Variants in FHIP2B observed in about 807,000 individuals in gnomAD.
FHIP2B encodes the protein FHF complex subunit HOOK-interacting protein 2B.
In FHIP2B, 72 loss-of-function variants were observed where a neutral mutation model predicts 84.0. The ratio of observed to expected loss-of-function variants is 0.86; its 90% confidence interval spans 0.71 to 1.04. FHIP2B has a LOEUF of 1.04. Ranked by LOEUF, FHIP2B falls within the 50% of genes least tolerant of loss-of-function variation. FHIP2B has a pLI of 0.00. For missense variants in FHIP2B, 972 were observed against 968.9 expected (o/e 1.00, Z -0.04); for synonymous variants, 497 against 418.7 (o/e 1.19, Z -2.28).
chr8:22,103,028 C>T lies in FHIP2B; in HGVS notation c.*97C>T, dbSNP rs1404230183. Reference sequence around the variant, plus strand: ...GCCACACTCCCCTCCTGGGATGGGGCTTCTGCTCCCGGGCTCACTCAAGGA... The same window carrying T: ...GCCACACTCCCCTCCTGGGATGGGGTTTCTGCTCCCGGGCTCACTCAAGGA... On this transcript the variant is annotated 3_prime_UTR_variant, in exon 17 of 17. Coordinates refer to ENST00000289921, the MANE Select transcript of FHIP2B (RefSeq NM_022749.7). The T allele has an allele frequency of 1.5e-5, 21 of 1,437,896 alleles. No individual in the cohort carries two copies. Among genetic ancestry groups the T allele is most frequent in the African/African-American group, 1.4e-5 (1 of 70,592 alleles). 89.1% of individuals were successfully genotyped at this position (1,437,896 alleles called of 1,614,324 possible).
chr8:22,098,744 A>G (rs892717549), intron 7 of FHIP2B, 125 bp downstream of exon 7: 3 of 1,093,248 alleles, frequency 2.7e-6, no homozygotes, highest in Non-Finnish European at 3.9e-6. Flanking sequence ...CCTCTCCCCA[A>G]GGCTGCAGCT....
chr8:22,097,644 G>A, intron 4 of FHIP2B, 24 bp downstream of exon 4: 1 of 1,603,466 alleles, frequency 6.2e-7, no homozygotes, highest in South Asian at 1.1e-5. Flanking sequence ...AAGCCAAGGG[G>A]TGTCTGGGTG....
rs1327812246 is a variant in FHIP2B at position 22,089,150 on chromosome 8, G to A, written c.-104G>A. On this transcript the variant is annotated 5_prime_UTR_variant, in exon 1 of 17. Transcript: ENST00000289921. ...GGAAGGGGCGGAGCGGCCGGGCCCC[G>A]CCCCCCTCGTCGCGCCGGGGCCGCC... The A allele has an allele frequency of 3.0e-6, 2 of 668,176 alleles. No homozygotes were observed. Among genetic ancestry groups the A allele is most frequent in the Non-Finnish European group, 3.8e-6 (2 of 531,510 alleles). The allele number at this position is 668,176 out of a possible 1,614,324, so 41.4% of individuals were successfully genotyped here.
At chr8:22,101,067 G>A in intron 12 of FHIP2B, 95 bp downstream of exon 12, 1 of 1,459,654 alleles carries the variant, frequency 6.9e-7, no homozygotes, top group Non-Finnish European at 9.1e-7. Flanking sequence ...CCAGGATGGA[G>A]TGCAGTGGTA....
Position 22,098,160 on chromosome 8 carries a change from C to T in FHIP2B, c.618C>T (p.His206=), listed in dbSNP as rs1306831403. 4.4e-6 allele frequency: 7 copies of T among 1,575,562 alleles called. No homozygotes were observed. Among genetic ancestry groups the T allele is most frequent in the East Asian group, 4.7e-5 (2 of 42,604 alleles). The change falls in exon 6 of 17, where the codon CAC becomes CAT. Residue 206 remains histidine, a synonymous_variant. Transcript: ENST00000289921. ...GCCACGGGGACAAGGACTGCTCCCA[C>T]GATGGTGCTCCTGCCAGGCCCCAGC... ...TTSHGDKDCS[H]DGAPARPQLD... is the part of the protein sequence containing the mutation.
rs1381031843 is a variant in FHIP2B at position 22,102,780 on chromosome 8, C to T, written c.2094-13C>T. The T allele has an allele frequency of 6.2e-7, 1 of 1,612,270 alleles. No individual in the cohort carries two copies. Among genetic ancestry groups the T allele is most frequent in the South Asian group, 1.1e-5 (1 of 90,922 alleles). The stretch of plus-strand genomic sequence containing the variant: ...CCCCACCCAGCCATGCCCCCTGTGC[C>T]ATCTCCCCTCAGGCTGGACCACCAG... On this transcript the variant is annotated splice_polypyrimidine_tract_variant and intron_variant, in intron 16 of 16. Transcript: ENST00000289921.
rs773589396 is a variant in FHIP2B at position 22,100,800 on chromosome 8, G to T, written c.1488-44G>T. The T allele has an allele frequency of 2.7e-5, 44 of 1,613,014 alleles. 1 individual carries two copies. The highest frequency in any genetic ancestry group is 2.4e-4 in the South Asian group (22 of 91,074). On this transcript the variant is annotated intron_variant, in intron 11 of 16. Coordinates refer to ENST00000289921, the MANE Select transcript of FHIP2B (RefSeq NM_022749.7). ...CCCTTAGCACTCGCACGCTCACTCT[G>T]TCCATTCATTCACTGGTGCCGTACT...
At chr8:22,096,149 G>T in intron 2 of FHIP2B, 188 bp from the exon 3 acceptor site, 1 of 576,392 alleles carries the variant, frequency 1.7e-6, no homozygotes, top group East Asian at 3.0e-5. Context: ...GAGCCTGGAA[G>T]GACTTTTGTC....
Position 22,096,420 on chromosome 8 carries a change from CA to C in FHIP2B, c.209del (p.Gln70ArgfsTer111). The C allele has an allele frequency of 6.4e-7, 1 of 1,556,148 alleles. No homozygotes were observed. The highest frequency in any genetic ancestry group is 1.2e-5 in the South Asian group (1 of 84,122). ...LDILVYEEQQ[Q>X]AAAGEAGPCL... ...TATCCTGGTGTATGAAGAGCAGCAGCAGGCGGCCGCGGGTGAGGCAGGGCCC... is the reference window on the plus strand; with the variant it reads ...TATCCTGGTGTATGAAGAGCAGCAGCGGCGGCCGCGGGTGAGGCAGGGCCC... On this transcript the variant is annotated frameshift_variant, in exon 3 of 17. Transcript: ENST00000289921. LOFTEE classifies it high-confidence loss of function.
intron 7 of FHIP2B, 32 bp from the exon 8 acceptor site, chr8:22,098,916 C>T (rs759411015): frequency 1.2e-5 from 19 of 1,543,500 alleles, no homozygotes; most frequent in Non-Finnish European, 1.6e-5. Flanking sequence ...TCCTTCTCCA[C>T]TCTCTGAGAC....
At chr8:22,101,226 T>G in intron 12 of FHIP2B, 1 of 641,112 alleles carries the variant, frequency 1.6e-6, no homozygotes, top group Non-Finnish European at 2.6e-6. Flanking sequence ...TTTCCCCATG[T>G]TGGCCAGGCA....
At chr8:22,100,045 A>C in intron 10 of FHIP2B, 152 bp downstream of exon 10, 1 of 729,590 alleles carries the variant, frequency 1.4e-6, no homozygotes, top group Non-Finnish European at 2.1e-6. Flanking sequence ...ATCACACACT[A>C]ATTTTCTATG....
chr8:22,097,149 A>G, intron 3 of FHIP2B: 3 of 306,824 alleles, frequency 9.8e-6, no homozygotes, highest in Non-Finnish European at 6.2e-6. Context: ...ATGCAGGAAA[A>G]GGGGTTGTGA....
chr8:22,099,210 C>T (rs1482325182), intron 8 of FHIP2B, 74 bp from the exon 9 acceptor site: 35 of 1,562,398 alleles, frequency 2.2e-5, no homozygotes, highest in African/African-American at 2.7e-5. Context: ...CATCAGGCGC[C>T]GCGCAAGAAC....
intron 1 of FHIP2B, 73 bp downstream of exon 1, chr8:22,089,371 G>A (rs1373807609): frequency 3.3e-6 from 3 of 916,544 alleles, no homozygotes; most frequent in East Asian, 1.2e-4. Context: ...CGCGGAGCCG[G>A]GCGCGGCCCG....
chr8:22,098,897 C>A, intron 7 of FHIP2B, 51 bp from the exon 8 acceptor site: 1 of 1,447,094 alleles, frequency 6.9e-7, no homozygotes, highest in Non-Finnish European at 9.5e-7. Flanking sequence ...TTGAGGAAGA[C>A]CTTGAAGCTC....
rs1448930416 is a variant in FHIP2B, at chr8:22,098,502, TG to T, written c.850del (p.Val284TyrfsTer33). On this transcript the variant is annotated frameshift_variant, in exon 7 of 17. Coordinates refer to ENST00000289921, the MANE Select transcript of FHIP2B (RefSeq NM_022749.7). LOFTEE classifies it high-confidence loss of function. ...GCCTCCCCAGCAGCTGCCACCTACC[TG>T]GTACAGAGCAGCGCCTGCTGCCCTG... ...SMASPAAATY[L>X]VQSSACCPAI... 6.2e-7 allele frequency: 1 copy of T among 1,613,134 alleles called. No homozygotes were observed. Among genetic ancestry groups the T allele is most frequent in the Non-Finnish European group, 8.5e-7 (1 of 1,179,726 alleles).
intron 8 of FHIP2B, 26 bp downstream of exon 8, chr8:22,099,082 GCT>G (rs1354505716): frequency 1.3e-6 from 2 of 1,547,168 alleles, no homozygotes; most frequent in African/African-American, 1.4e-5. Flanking sequence ...CGGAGGCCGG[GCT>G]CTCATGCTGT....
intron 2 of FHIP2B, chr8:22,095,354 G>C (rs865880126): frequency 6.6e-6 from 1 of 152,256 alleles, no homozygotes; most frequent in Non-Finnish European, 1.5e-5. Flanking sequence ...TGTCCTGGGC[G>C]GTGTGGGATG....
Sources: gnomAD v4.1 joint callset for allele counts on GRCh38, gnomAD v4.1.1 for gene constraint, MANE v1.5 for transcripts, NCBI Gene and HGNC (gene_info 2026-07-23, HGNC 2026-07-21) for gene names.